Variants in LRMDA observed in about 807,000 individuals in gnomAD.
LRMDA encodes the protein leucine rich melanocyte differentiation associated, also known as leucine-rich melanocyte differentiation-associated protein.
In LRMDA, 18 loss-of-function variants were observed where a neutral mutation model predicts 29.8. That is an observed-to-expected ratio of 0.60 (90% CI 0.42 to 0.90). The LOEUF (loss-of-function observed/expected upper bound fraction) is 0.90. LRMDA is among the 40% of genes least tolerant of loss of function. The pLI is 0.00. For synonymous variants in LRMDA, 125 were observed against 109.4 expected (o/e 1.14, Z -0.89); for missense variants, 273 against 273.9 (o/e 1.00, Z 0.02).
intron 2 of LRMDA, among the ~76,000 whole-genome samples, chr10:75,774,511 A>G (rs1290826116): frequency 6.6e-6 from 1 of 152,210 alleles, no homozygotes; most frequent in Non-Finnish European, 1.5e-5. Context: ...ATTGTTAGAT[A>G]TTTTAAGTTA....
At chr10:76,396,148 T>C (rs1841781207) in intron 6 of LRMDA, among the ~76,000 whole-genome samples, 1 of 152,180 alleles carries the variant, frequency 6.6e-6, no homozygotes, top group Admixed American at 6.5e-5. Context: ...TTTGAAGGGC[T>C]AGAGAAAGAG....
At chr10:75,908,852 G>A (rs1845799881) in intron 2 of LRMDA, among the ~76,000 whole-genome samples, 1 of 152,186 alleles carries the variant, frequency 6.6e-6, no homozygotes, top group Admixed American at 6.5e-5. Flanking sequence ...GAAGGAGCCT[G>A]GGCCCCTGAA....
rs535312143 is a variant in LRMDA, at chr10:75,683,294, G to A, written c.131+244800G>A. ...AATAGCTGCTCACAGAGCACAAAGG[G>A]AAACATGTAGATCGTCTCAGCGTCA... On this transcript the variant is annotated intron_variant, in intron 2 of 6. Transcript: ENST00000611255. 5.3e-4 allele frequency among the ~76,000 whole-genome samples: 80 copies of A among 152,296 alleles called. 1 individual carries two copies. Among genetic ancestry groups the A allele is most frequent in the Middle Eastern group, 3.4e-3 (1 of 294 alleles).
At chr10:76,121,039 C>T (rs182790928) in intron 5 of LRMDA, among the ~76,000 whole-genome samples, 27 of 151,888 alleles carry the variant, frequency 1.8e-4, no homozygotes, top group Non-Finnish European at 3.2e-4. Flanking sequence ...CACCGGATTG[C>T]TTTTTCTTTA....
intron 2 of LRMDA, among the ~76,000 whole-genome samples, chr10:75,455,365 G>A (rs1382093107): frequency 2.0e-5 from 3 of 152,274 alleles, no homozygotes; most frequent in Non-Finnish European, 4.4e-5. Context: ...CCCGAGTTGG[G>A]TTCCCAGCAC....
At chr10:76,361,300 G>A (rs1193839284) in intron 6 of LRMDA, among the ~76,000 whole-genome samples, 1 of 151,810 alleles carries the variant, frequency 6.6e-6, no homozygotes, top group Non-Finnish European at 1.5e-5. Flanking sequence ...AAATGAAGGG[G>A]GACCAGGATA....
At chr10:76,428,783 G>C (rs1052088321) in intron 6 of LRMDA, among the ~76,000 whole-genome samples, 1 of 152,148 alleles carries the variant, frequency 6.6e-6, no homozygotes, top group Non-Finnish European at 1.5e-5. Context: ...TCTGAACAAA[G>C]AAACCATATT....
chr10:76,220,242 G>A (rs899186621), intron 5 of LRMDA, among the ~76,000 whole-genome samples: 3 of 152,116 alleles, frequency 2.0e-5, no homozygotes, highest in Non-Finnish European at 4.4e-5. Context: ...TCAAAAGCTA[G>A]CAGAAGGCAA....
intron 2 of LRMDA, among the ~76,000 whole-genome samples, chr10:75,469,830 G>A (rs1444695921): frequency 6.6e-6 from 1 of 152,192 alleles, no homozygotes; most frequent in Admixed American, 6.5e-5. Flanking sequence ...CTGGGCCTAG[G>A]AACCATAGTA....
intron 2 of LRMDA, among the ~76,000 whole-genome samples, chr10:75,763,612 CAA>C (rs1232829192): frequency 2.0e-5 from 3 of 151,938 alleles, no homozygotes; most frequent in South Asian, 2.1e-4. Flanking sequence ...GTTGAGTAAA[CAA>C]GAGATGCAGT....
chr10:76,186,073 T>A (rs975600853), intron 5 of LRMDA, among the ~76,000 whole-genome samples: 12 of 152,292 alleles, frequency 7.9e-5, no homozygotes, highest in African/African-American at 2.4e-4. Flanking sequence ...TGGTGGGATT[T>A]TTTTTTTCCA....
At chr10:76,168,333 A>C (rs554843155) in intron 5 of LRMDA, among the ~76,000 whole-genome samples, 1 of 152,286 alleles carries the variant, frequency 6.6e-6, no homozygotes, top group Non-Finnish European at 1.5e-5. Context: ...TCTCAGTGAC[A>C]CCAGATTTCC....
rs563674944 is a variant in LRMDA, at chr10:76,365,167, G to C, written c.601+40682G>C. On this transcript the variant is annotated intron_variant, in intron 6 of 6. Transcript: ENST00000611255. ...CCACTCATTGACTGGTGGACTTTTGGGTTGGTTCCACAATTTTGAAATTGT... is the reference window on the plus strand; with the variant it reads ...CCACTCATTGACTGGTGGACTTTTGCGTTGGTTCCACAATTTTGAAATTGT... Among the ~76,000 whole-genome samples, 5 of 147,624 alleles carry C rather than the reference G, an allele frequency of 3.4e-5. No individual in the cohort carries two copies. The East Asian group carries it at 9.9e-4, about 29-fold the overall frequency.
intron 2 of LRMDA, among the ~76,000 whole-genome samples, chr10:75,482,760 A>G (rs1331059471): frequency 6.6e-6 from 1 of 152,220 alleles, no homozygotes; most frequent in East Asian, 1.9e-4. Context: ...ATAATACTTC[A>G]CTGACCTGAA....
intron 6 of LRMDA, among the ~76,000 whole-genome samples, chr10:76,480,032 T>G (rs1163533806): frequency 1.3e-5 from 2 of 152,136 alleles, no homozygotes; most frequent in East Asian, 3.9e-4. Context: ...ATTATTTCAT[T>G]TAATTTTCCC....
At chr10:76,349,677 A>G (rs1380593913) in intron 6 of LRMDA, among the ~76,000 whole-genome samples, 2 of 152,286 alleles carry the variant, frequency 1.3e-5, no homozygotes, top group Non-Finnish European at 1.5e-5. Flanking sequence ...TGGTTCAGCA[A>G]AATTTAAAAA....
chr10:76,453,272 A>G (rs2132301536), intron 6 of LRMDA, among the ~76,000 whole-genome samples: 1 of 152,330 alleles, frequency 6.6e-6, no homozygotes, highest in East Asian at 1.9e-4. Context: ...GGATTCTGCC[A>G]TGCCAGTACT....
intron 3 of LRMDA, among the ~76,000 whole-genome samples, chr10:76,037,430 A>G (rs1848268665): frequency 6.6e-6 from 1 of 152,282 alleles, no homozygotes; most frequent in Admixed American, 6.5e-5. Context: ...ATATGCCAGC[A>G]TTTAAGAATG....
Position 75,520,084 on chromosome 10 carries a change from C to T in LRMDA, c.131+81590C>T, listed in dbSNP as rs536392494. Among the ~76,000 whole-genome samples the T allele has an allele frequency of 6.1e-3, 935 of 152,286 alleles. 17 individuals are homozygous for T. Among genetic ancestry groups the T allele is most frequent in the African/African-American group, 0.021 (886 of 41,538 alleles). ...GATGGGCTTCCCTTTGTGGGTAACCCGACCTTTCTCTCTGGCTGCCCTTAA... is the reference window on the plus strand; with the variant it reads ...GATGGGCTTCCCTTTGTGGGTAACCTGACCTTTCTCTCTGGCTGCCCTTAA... On this transcript the variant is annotated intron_variant, in intron 2 of 6. Transcript: ENST00000611255.
Sources: allele counts gnomAD v4.1 joint callset (sites outside exome capture counted in the v4.1 genomes callset), GRCh38; gene constraint gnomAD v4.1.1; transcripts MANE v1.5; gene names NCBI Gene and HGNC (gene_info 2026-07-23, HGNC 2026-07-21).